SLC71A1: variants seen among roughly 807,000 people sequenced by gnomAD.
SLC71A1 encodes hippocampus abundant gene transcript 1.
chr1:100,054,771 G>A, the SLC71A1 span, among the ~76,000 whole-genome samples: 1 of 152,120 alleles, frequency 6.6e-6, no homozygotes, highest in Non-Finnish European at 1.5e-5. Flanking sequence ...CATTTTCTCT[G>A]TTCACCTCTA....
the SLC71A1 span, among the ~76,000 whole-genome samples, chr1:100,042,909 G>A: frequency 3.3e-5 from 5 of 152,060 alleles, no homozygotes; most frequent in Admixed American, 2.0e-4. Context: ...GCCTGGCCCC[G>A]TGGTGCTTTT....
chr1:100,078,165 A>G, the SLC71A1 span, among the ~76,000 whole-genome samples: 1 of 152,212 alleles, frequency 6.6e-6, no homozygotes, highest in East Asian at 1.9e-4. Context: ...TATCCTCAAT[A>G]TAACCTCTCA....
chr1:100,038,100 C>T, the SLC71A1 span: 1 of 743,888 alleles, frequency 1.3e-6, no homozygotes, highest in Admixed American at 2.3e-5. Context: ...CCGCCGGAGG[C>T]AGGCCGGGCC....
chr1:100,048,188 A>G, the SLC71A1 span, among the ~76,000 whole-genome samples: 1 of 145,460 alleles, frequency 6.9e-6, no homozygotes, highest in Non-Finnish European at 1.5e-5. Context: ...ATTTGTGGCC[A>G]ATTTTTTTTT....
the SLC71A1 span, among the ~76,000 whole-genome samples, chr1:100,047,257 T>A: frequency 5.3e-5 from 8 of 152,338 alleles, no homozygotes; most frequent in Non-Finnish European, 8.8e-5. Context: ...AGAGTTTTTA[T>A]GAAGCAGTGT....
the SLC71A1 span, among the ~76,000 whole-genome samples, chr1:100,043,597 G>T: frequency 1.3e-5 from 2 of 151,968 alleles, no homozygotes; most frequent in East Asian, 3.9e-4. Context: ...ATAGTTTTGG[G>T]GTACAGGTGG....
At chr1:100,078,313 C>T in the SLC71A1 span, 2 of 584,440 alleles carry the variant, frequency 3.4e-6, no homozygotes, top group Non-Finnish European at 6.2e-6. Flanking sequence ...GCGACTTGCC[C>T]ATAGTCACCT....
the SLC71A1 span, among the ~76,000 whole-genome samples, chr1:100,039,222 G>A: frequency 6.6e-6 from 1 of 152,086 alleles, no homozygotes; most frequent in Non-Finnish European, 1.5e-5. Context: ...CTGATACCGC[G>A]TTCTGAAATA....
chr1:100,081,521 T>C, the SLC71A1 span, among the ~76,000 whole-genome samples: 70 of 152,162 alleles, frequency 4.6e-4, 1 homozygote, highest in East Asian at 1.4e-3. Flanking sequence ...TACAGGCATA[T>C]GCCACCATGA....
chr1:100,077,989 T>A, the SLC71A1 span, among the ~76,000 whole-genome samples: 5 of 152,232 alleles, frequency 3.3e-5, no homozygotes, highest in African/African-American at 1.2e-4. Context: ...AACATTTCTT[T>A]TAAACATCAA....
At chr1:100,073,095 T>C in the SLC71A1 span, among the ~76,000 whole-genome samples, 1 of 152,178 alleles carries the variant, frequency 6.6e-6, no homozygotes, top group Non-Finnish European at 1.5e-5. Context: ...CTTAGCGACA[T>C]TCATGAATCC....
chr1:100,057,426 C>T, the SLC71A1 span, among the ~76,000 whole-genome samples: 10 of 150,584 alleles, frequency 6.6e-5, no homozygotes, highest in African/African-American at 2.4e-4. Flanking sequence ...ACGATCTCAG[C>T]TCACTGCAAC....
chr1:100,059,243 C>G, the SLC71A1 span, among the ~76,000 whole-genome samples: 1 of 142,144 alleles, frequency 7.0e-6, no homozygotes, highest in East Asian at 2.2e-4. Context: ...CTGAGAACCT[C>G]TGCCTCCCAG....
At chr1:100,071,016 A>T in the SLC71A1 span, among the ~76,000 whole-genome samples, 12 of 152,150 alleles carry the variant, frequency 7.9e-5, no homozygotes, top group African/African-American at 2.9e-4. Flanking sequence ...GAGTATTAGT[A>T]CTATTTCTAG....
chr1:100,057,448 G>A, the SLC71A1 span, among the ~76,000 whole-genome samples: 1,093 of 151,116 alleles, frequency 7.2e-3, 8 homozygotes, highest in African/African-American at 0.026. Flanking sequence ...TCTGCCCTCC[G>A]GGTTTAAGCG....
the SLC71A1 span, among the ~76,000 whole-genome samples, chr1:100,044,542 T>A: frequency 0.071 from 9,410 of 132,714 alleles, 439 homozygotes; most frequent in African/African-American, 0.14. Context: ...TGAGATGGAA[T>A]TTTGCTCTTG....
At chr1:100,068,167 T>C in the SLC71A1 span, 4 of 1,613,704 alleles carry the variant, frequency 2.5e-6, no homozygotes, top group Non-Finnish European at 3.4e-6. Flanking sequence ...GGAGCACCCA[T>C]TTCCTGGGAA....
chr1:100,058,848 T>C, the SLC71A1 span: 5 of 520,044 alleles, frequency 9.6e-6, no homozygotes, highest in African/African-American at 9.9e-5. Context: ...TACTGATTAA[T>C]AACTTAATTT....
chr1:100,080,496 G>A, the SLC71A1 span: 2 of 1,612,418 alleles, frequency 1.2e-6, no homozygotes, highest in Non-Finnish European at 1.7e-6. Flanking sequence ...AACAATGTAG[G>A]TGTCGTTCAA....
Sources: allele counts gnomAD v4.1 joint callset (sites outside exome capture counted in the v4.1 genomes callset), GRCh38; gene constraint gnomAD v4.1.1; transcripts MANE v1.5; gene names NCBI Gene and HGNC (gene_info 2026-07-23, HGNC 2026-07-21).